Variants in CAMKMT observed in about 807,000 individuals in gnomAD.
CAMKMT encodes calmodulin-lysine N-methyltransferase.
CAMKMT carries 53 observed loss-of-function variants against 48.0 expected under a neutral mutation model. The ratio of observed to expected loss-of-function variants is 1.10; its 90% CI spans 0.89 to 1.39. CAMKMT has a LOEUF of 1.39. Ranked by LOEUF, CAMKMT falls within the 40% of genes most tolerant of loss-of-function variation. CAMKMT has a pLI of 0.00. For synonymous variants in CAMKMT, 165 were observed against 152.3 expected (o/e 1.08, Z -0.61); for missense variants, 428 against 402.7 (o/e 1.06, Z -0.54).
intron 8 of CAMKMT, among the ~76,000 whole-genome samples, chr2:44,745,176 A>C (rs1237078765): frequency 6.6e-6 from 1 of 152,182 alleles, no homozygotes; most frequent in Non-Finnish European, 1.5e-5. Context: ...CATCTTCCTG[A>C]AGCTTTAGAC....
intron 3 of CAMKMT, among the ~76,000 whole-genome samples, chr2:44,404,651 T>A (rs1348969478): frequency 1.3e-5 from 2 of 152,144 alleles, no homozygotes; most frequent in African/African-American, 4.8e-5. Flanking sequence ...TGCTAGCTTT[T>A]AAAAATCTAC....
chr2:44,527,788 C>T (rs921904670), intron 3 of CAMKMT, among the ~76,000 whole-genome samples: 1 of 125,926 alleles, frequency 7.9e-6, no homozygotes, highest in Non-Finnish European at 1.7e-5. Flanking sequence ...GTGTACAGCC[C>T]CCCCCCCCAT....
At chr2:44,697,376 C>T (rs1677013264) in intron 3 of CAMKMT, among the ~76,000 whole-genome samples, 1 of 151,944 alleles carries the variant, frequency 6.6e-6, no homozygotes, top group African/African-American at 2.4e-5. Context: ...AGGCTGTCAG[C>T]TGTGTACCAA....
Position 44,361,981 on chromosome 2 carries a change from C to T in CAMKMT, c.-27C>T. 1 of 1,367,670 alleles carries T rather than the reference C, an allele frequency of 7.3e-7. No homozygotes were observed. Among genetic ancestry groups the T allele is most frequent in the Non-Finnish European group, 9.4e-7 (1 of 1,064,092 alleles). The allele number at this position is 1,367,670 out of a possible 1,614,324, so 84.7% of individuals were successfully genotyped here. On this transcript the variant is annotated 5_prime_UTR_variant, in exon 1 of 11. Coordinates refer to ENST00000378494, the MANE Select transcript of CAMKMT (RefSeq NM_024766.5). ...CAGGGGACGAGCTGCGGCGGTGGCA[C>T]CTCCGGGTGTGGAAGGCTCCAGTGA...
At chr2:44,415,981 A>C (rs994763203) in intron 3 of CAMKMT, among the ~76,000 whole-genome samples, 1 of 152,212 alleles carries the variant, frequency 6.6e-6, no homozygotes, top group Non-Finnish European at 1.5e-5. Flanking sequence ...TGTAGGTTTG[A>C]TTCTTCTCAT....
chr2:44,704,842 G>A (rs1677463583), intron 4 of CAMKMT, among the ~76,000 whole-genome samples: 1 of 151,582 alleles, frequency 6.6e-6, no homozygotes, highest in African/African-American at 2.4e-5. Flanking sequence ...ATATGTATTT[G>A]TGAACTATAA....
chr2:44,439,027 C>T (rs1666471130), intron 3 of CAMKMT, among the ~76,000 whole-genome samples: 1 of 152,130 alleles, frequency 6.6e-6, no homozygotes, highest in Non-Finnish European at 1.5e-5. Flanking sequence ...AATTTTTGTA[C>T]CTGTTTTAAT....
intron 3 of CAMKMT, chr2:44,549,423 A>G (rs1005375861): frequency 1.3e-5 from 8 of 604,950 alleles, no homozygotes; most frequent in African/African-American, 1.1e-4. Context: ...GGAAGAGAAG[A>G]ACCTCTCTCA....
intron 1 of CAMKMT, among the ~76,000 whole-genome samples, chr2:44,366,785 G>C (rs1174334162): frequency 6.6e-6 from 1 of 150,848 alleles, no homozygotes; most frequent in Non-Finnish European, 1.5e-5. Context: ...GCAGCAGTGT[G>C]ATCTCGGCTC....
intron 3 of CAMKMT, among the ~76,000 whole-genome samples, chr2:44,501,304 G>A (rs948166661): frequency 2.6e-5 from 4 of 152,014 alleles, no homozygotes; most frequent in African/African-American, 9.7e-5. Context: ...TTTTGAGAAA[G>A]CATTGACACT....
Position 44,372,777 on chromosome 2 carries a change from C to T in CAMKMT, c.200C>T (p.Ser67Leu). The change falls in exon 2 of 11, where the codon TCA (serine) becomes TTA (leucine). Residue 67 changes from serine to leucine, a missense_variant. By Grantham distance (145) the Ser-to-Leu change is moderately radical. Transcript: ENST00000378494. The stretch of plus-strand genomic sequence containing the variant: ...CATGTATCTGTAAGAAGATTTGAAT[C>T]ATTTAATCTGTTTTCAGTAACAGAA... ...LRHVSVRRFESFNLFSVTEGK... is the reference protein window; with the variant it reads ...LRHVSVRRFELFNLFSVTEGK... 1 of 1,613,856 alleles carries T rather than the reference C, an allele frequency of 6.2e-7. No homozygotes were observed. The highest frequency in any genetic ancestry group is 8.5e-7 in the Non-Finnish European group (1 of 1,179,904).
At chr2:44,496,862 A>G (rs1172799693) in intron 3 of CAMKMT, among the ~76,000 whole-genome samples, 1 of 152,194 alleles carries the variant, frequency 6.6e-6, no homozygotes, top group African/African-American at 2.4e-5. Flanking sequence ...ACACTGATTT[A>G]CTTGTAGGTA....
At chr2:44,716,901 AC>A (rs763356326) in intron 7 of CAMKMT, among the ~76,000 whole-genome samples, 18 of 152,214 alleles carry the variant, frequency 1.2e-4, no homozygotes, top group Non-Finnish European at 2.2e-4. Flanking sequence ...TTGTGTTTTT[AC>A]AAGACATAAT....
At chr2:44,436,939 C>T (rs1256154760) in intron 3 of CAMKMT, among the ~76,000 whole-genome samples, 1 of 152,140 alleles carries the variant, frequency 6.6e-6, no homozygotes, top group South Asian at 2.1e-4. Context: ...CTTTTTGAAA[C>T]ACTTCATTTC....
At chr2:44,552,795 T>A (rs886980590) in intron 3 of CAMKMT, among the ~76,000 whole-genome samples, 1 of 152,248 alleles carries the variant, frequency 6.6e-6, no homozygotes, top group Non-Finnish European at 1.5e-5. Context: ...ACCATCAAGC[T>A]AGCCTCTTAC....
chr2:44,531,057 A>C (rs1371393353), intron 3 of CAMKMT, among the ~76,000 whole-genome samples: 1 of 152,206 alleles, frequency 6.6e-6, no homozygotes, highest in East Asian at 1.9e-4. Flanking sequence ...TTTTTTAAAT[A>C]TATGGCTTAT....
At chr2:44,584,114 A>G (rs527529424) in intron 3 of CAMKMT, among the ~76,000 whole-genome samples, 7 of 152,186 alleles carry the variant, frequency 4.6e-5, no homozygotes, top group Admixed American at 1.3e-4. Context: ...GAAATCACAT[A>G]GTATGTACTC....
At chr2:44,589,354 C>G (rs1670117139) in intron 3 of CAMKMT, among the ~76,000 whole-genome samples, 1 of 54,456 alleles carries the variant, frequency 1.8e-5, no homozygotes, top group Admixed American at 2.1e-4. Context: ...AGGAGCCCCT[C>G]TGCCCGGCCA....
intron 3 of CAMKMT, chr2:44,391,981 G>A (rs1681386855): frequency 6.6e-6 from 1 of 152,478 alleles, no homozygotes; most frequent in Admixed American, 6.6e-5. Flanking sequence ...AACCTCAACT[G>A]TTTTCATCTC....
Sources: allele counts gnomAD v4.1 joint callset (sites outside exome capture counted in the v4.1 genomes callset), GRCh38; gene constraint gnomAD v4.1.1; transcripts MANE v1.5; gene names NCBI Gene and HGNC (gene_info 2026-07-23, HGNC 2026-07-21).